The following ARHGAP35 variants were observed in gnomAD, a reference collection of about 807,000 sequenced individuals.
ARHGAP35 encodes the protein Rho GTPase activating protein 35, also known as rho GTPase-activating protein 35.
ARHGAP35 carries 15 observed loss-of-function variants against 111.1 expected under a neutral mutation model. The observed-to-expected ratio is 0.13, with a 90% confidence interval of 0.09 to 0.21. The LOEUF (loss-of-function observed/expected upper bound fraction) is 0.21. Ranked by LOEUF, ARHGAP35 falls within the 10% of genes least tolerant of loss-of-function variation. ARHGAP35 has a pLI of 1.00. For synonymous variants in ARHGAP35, 643 were observed against 710.3 expected, an observed-to-expected ratio of 0.91 and a Z score of 1.51; for missense variants, 1,262 against 1,873.0, an observed-to-expected ratio of 0.67 and a Z score of 6.02.
At chr19:46,943,489 T>G (rs2056361546) in intron 3 of ARHGAP35, among the ~76,000 whole-genome samples, 1 of 152,204 alleles carries the variant, frequency 6.6e-6, no homozygotes, top group Non-Finnish European at 1.5e-5. Flanking sequence ...GATAGTGGGC[T>G]TGCACTTTGC....
intron 1 of ARHGAP35, among the ~76,000 whole-genome samples, chr19:46,911,578 CTT>C (rs1429738030): frequency 1.3e-5 from 2 of 152,146 alleles, no homozygotes; most frequent in Admixed American, 6.5e-5. Context: ...GGACCTTTCT[CTT>C]TTACTCAGCT....
intron 1 of ARHGAP35, among the ~76,000 whole-genome samples, chr19:46,867,172 T>C (rs903692314): frequency 4.6e-5 from 7 of 152,256 alleles, no homozygotes; most frequent in Non-Finnish European, 1.0e-4. Context: ...CCATGAAGTA[T>C]CATTACAGGA....
Position 46,863,052 on chromosome 19 carries a change from C to CT in ARHGAP35, c.-189+1857dup, listed in dbSNP as rs75493734. 2.0e-3 allele frequency among the ~76,000 whole-genome samples: 293 copies of CT among 144,298 alleles called. 1 individual carries two copies. The highest frequency in any genetic ancestry group is 4.0e-3 in the South Asian group (18 of 4,520). The allele number at this position is 144,298 out of a possible 152,430, so 94.7% of individuals were successfully genotyped here. ...CTCTTGGACTTGTTTCCTTCCTCAC[C>CT]TTTTTTTTTTTTTTCCTTCCCCTTG... On this transcript the variant is annotated intron_variant, in intron 1 of 6. Coordinates refer to ENST00000672722, the MANE Select transcript of ARHGAP35 (RefSeq NM_004491.5).
chr19:46,992,007 T>C lies in ARHGAP35; in HGVS notation c.4036+2332T>C, dbSNP rs2056681821. On this transcript the variant is annotated intron_variant, in intron 5 of 6. Transcript: ENST00000672722. This position sits in a 1 kb window ranked among gnomAD's most constrained non-coding sequence, Gnocchi z 4.4. ...TCCAGAATTTCACAATATTGAACAC[T>C]GCTGAAAATGTACTCGCAAAATAGA... is the stretch of plus-strand genomic sequence containing the variant. 6.6e-6 allele frequency among the ~76,000 whole-genome samples: 1 copy of C among 152,228 alleles called. No homozygotes were observed.
rs780900926 is a variant in ARHGAP35, at chr19:46,918,600, T to C, written c.-76T>C. On this transcript the variant is annotated 5_prime_UTR_variant, in exon 2 of 7. The change abolishes an upstream ATG in the 5' untranslated region. Transcript: ENST00000672722. This position sits in a 1 kb window ranked among gnomAD's most constrained non-coding sequence, Gnocchi z 5.4. ...ATGTCCAGCCCACCCCCACTAATAATGTAGGAAGCTGTCTGGTCCATTGGA... is the reference window on the plus strand; with the variant it reads ...ATGTCCAGCCCACCCCCACTAATAACGTAGGAAGCTGTCTGGTCCATTGGA... The C allele has an allele frequency of 1.3e-5, 19 of 1,438,892 alleles. No homozygotes were observed. The Middle Eastern group carries it at 6.6e-4, about 50-fold the overall frequency. 89.1% of individuals were successfully genotyped at this position (1,438,892 alleles called of 1,614,324 possible).
rs753868708 is a variant in ARHGAP35, at chr19:46,919,074, C to T, written c.399C>T (p.Tyr133=). Residue 133 remains tyrosine (Y), a synonymous_variant, in exon 2 of 7, where the codon TAC becomes TAT. Transcript: ENST00000672722. The surrounding 1 kb of genome is among the most constrained non-coding windows in gnomAD (Gnocchi z 6.2). The part of the protein sequence containing the change: ...TKLASAEKLM[Y]FCTDQLGLEQ... Reference sequence around the variant, plus strand: ...TTGCATCAGCTGAAAAACTCATGTACTTTTGCACTGACCAGCTGGGGCTGG... The same window carrying T: ...TTGCATCAGCTGAAAAACTCATGTATTTTTGCACTGACCAGCTGGGGCTGG... 8 of 1,613,876 alleles carry T rather than the reference C, an allele frequency of 5.0e-6. No individual in the cohort carries two copies. The African/African-American group carries it at 1.1e-4, about 22-fold the overall frequency.
intron 2 of ARHGAP35, among the ~76,000 whole-genome samples, chr19:46,929,696 T>A (rs547818198): frequency 6.7e-6 from 1 of 149,500 alleles, no homozygotes; most frequent in Non-Finnish European, 1.5e-5. Context: ...GGCAGATCAC[T>A]TGAGGTCGGG....
chr19:46,998,106 AAAAAAAG>A (rs2056724105), intron 5 of ARHGAP35, among the ~76,000 whole-genome samples: 1 of 152,144 alleles, frequency 6.6e-6, no homozygotes, highest in African/African-American at 2.4e-5. Flanking sequence ...CGTCTCAAAA[AAAAAAAG>A]AAAAAAGAAA....
rs1051665088 is a variant in ARHGAP35 at position 46,970,597 on chromosome 19, G to A, written c.3827-17392G>A. Among the ~76,000 whole-genome samples the A allele has an allele frequency of 6.6e-5, 10 of 152,164 alleles. No homozygotes were observed. In the East Asian group the frequency reaches 1.2e-3, roughly 18 times the overall value. On this transcript the variant is annotated intron_variant, in intron 3 of 6. Transcript: ENST00000672722. ...TCATCAGGAGATCAGAGTGAGGGGC[G>A]TCTCCTCCCCTGAAAAAGTTAGAGA...
Position 46,989,817 on chromosome 19 carries a change from A to G in ARHGAP35, c.4036+142A>G. 7.2e-7 allele frequency: 1 copy of G among 1,380,602 alleles called. No homozygotes were observed. The highest frequency in any genetic ancestry group is 9.9e-7 in the Non-Finnish European group (1 of 1,009,562). 85.5% of individuals were successfully genotyped at this position (1,380,602 alleles called of 1,614,324 possible). On this transcript the variant is annotated intron_variant, in intron 5 of 6. Coordinates refer to ENST00000672722, the MANE Select transcript of ARHGAP35 (RefSeq NM_004491.5). This position sits in a 1 kb window ranked among gnomAD's most constrained non-coding sequence, Gnocchi z 5.3. ...AGGGCAAGGGAATTAACCAGATGACAGCAATGGGACTTGCAAATCGGGCTC... is the reference window on the plus strand; with the variant it reads ...AGGGCAAGGGAATTAACCAGATGACGGCAATGGGACTTGCAAATCGGGCTC...
intron 5 of ARHGAP35, among the ~76,000 whole-genome samples, chr19:46,996,992 T>C (rs930240989): frequency 1.3e-5 from 2 of 152,106 alleles, no homozygotes; most frequent in African/African-American, 2.4e-5. Flanking sequence ...ACCCCGTCTC[T>C]AGTAAAAATA....
At chr19:46,900,304 C>G (rs1479033354) in intron 1 of ARHGAP35, among the ~76,000 whole-genome samples, 1 of 150,852 alleles carries the variant, frequency 6.6e-6, no homozygotes, top group Non-Finnish European at 1.5e-5. Context: ...TCACTGCAGC[C>G]TCCTCCTCCC....
chr19:46,971,306 G>A lies in ARHGAP35; in HGVS notation c.3827-16683G>A, dbSNP rs568873394. Among the ~76,000 whole-genome samples the A allele has an allele frequency of 5.9e-5, 9 of 151,852 alleles. No individual in the cohort carries two copies. The East Asian group carries it at 1.6e-3, about 27-fold the overall frequency. On this transcript the variant is annotated intron_variant, in intron 3 of 6. Coordinates refer to ENST00000672722, the MANE Select transcript of ARHGAP35 (RefSeq NM_004491.5). ...CTGTAGTCCCAGCTACTCGGGAGGT[G>A]GAGGCAGGAGAATCGCTTGAACCCG...
chr19:46,922,460 AC>A lies in ARHGAP35; in HGVS notation c.3681+105del. The stretch of plus-strand genomic sequence containing the variant: ...GACAACCTATTCTGGTAAAAAAAAA[AC>A]TGCCCTGTGTGTGTATTTGACTTAA... On this transcript the variant is annotated intron_variant, in intron 2 of 6. Coordinates refer to ENST00000672722, the MANE Select transcript of ARHGAP35 (RefSeq NM_004491.5). The surrounding 1 kb of genome is among the most constrained non-coding windows in gnomAD (Gnocchi z 4.0). 2.6e-6 allele frequency: 3 copies of A among 1,142,780 alleles called. No homozygotes were observed. The highest frequency in any genetic ancestry group is 3.6e-6 in the Non-Finnish European group (3 of 838,568). 70.8% of individuals were successfully genotyped at this position (1,142,780 alleles called of 1,614,324 possible).
intron 1 of ARHGAP35, among the ~76,000 whole-genome samples, chr19:46,884,285 C>G (rs1432400928): frequency 6.6e-6 from 1 of 151,984 alleles, no homozygotes; most frequent in East Asian, 1.9e-4. Context: ...ACACTCCAGC[C>G]TGGGCAACAA....
At chr19:46,980,674 A>G (rs1313830404) in intron 3 of ARHGAP35, among the ~76,000 whole-genome samples, 1 of 152,212 alleles carries the variant, frequency 6.6e-6, no homozygotes, top group Non-Finnish European at 1.5e-5. Context: ...TGTAGAGAAA[A>G]AAGAATACTG....
rs2056207377 is a variant in ARHGAP35 at position 46,922,277 on chromosome 19, A to G, written c.3602A>G (p.Asp1201Gly). ...CAGGCATCCCAGGGTTATAAAGGGG[A>G]CAATGCTGTCATTCCATACGAAACA... ...EDQASQGYKG[D>G]NAVIPYETDE... The change falls in exon 2 of 7, where the codon GAC becomes GGC. Residue 1201 changes from aspartate to glycine, a missense_variant. This residue lies in a region of ARHGAP35 where 579 missense variants were observed against 716.9 expected (regional missense o/e 0.81). Transcript: ENST00000672722. The surrounding 1 kb of genome is among the most constrained non-coding windows in gnomAD (Gnocchi z 4.0). 6.2e-7 allele frequency: 1 copy of G among 1,613,860 alleles called. No homozygotes were observed. Among genetic ancestry groups the G allele is most frequent in the Non-Finnish European group, 8.5e-7 (1 of 1,179,896 alleles).
rs2056759306 is a variant in ARHGAP35, at chr19:47,003,528, A to G, written c.*2840A>G. 6.6e-6 allele frequency: 1 copy of G among 152,218 alleles called. No individual in the cohort carries two copies. Among genetic ancestry groups the G allele is most frequent in the African/African-American group, 2.4e-5 (1 of 41,430 alleles). The allele number at this position is 152,218 out of a possible 1,614,324, so 9.4% of individuals were successfully genotyped here. On this transcript the variant is annotated 3_prime_UTR_variant, in exon 7 of 7. Transcript: ENST00000672722. ...GCTGGGTGGCGTGGCTCGTGAATCC[A>G]CTTAGAATTCTTGGCTTGTGTCGCA... is the stretch of plus-strand genomic sequence containing the variant.
intron 1 of ARHGAP35, among the ~76,000 whole-genome samples, chr19:46,869,441 G>C (rs1300643521): frequency 6.6e-6 from 1 of 151,368 alleles, no homozygotes; most frequent in East Asian, 1.9e-4. Flanking sequence ...GTCCTGCCTG[G>C]GTGATGGAGT....
Sources: allele counts gnomAD v4.1 joint callset (sites outside exome capture counted in the v4.1 genomes callset), GRCh38; gene constraint gnomAD v4.1.1; regional missense constraint gnomAD v4.1.1; non-coding constraint Gnocchi (gnomAD v3.1); transcripts MANE v1.5; gene names NCBI Gene and HGNC (gene_info 2026-07-23, HGNC 2026-07-21).